Variants in C3orf33 observed in about 807,000 individuals in gnomAD.
C3orf33 encodes the protein AP-1 activity suppressor.
A neutral mutation model predicts 28.7 loss-of-function variants in C3orf33; 23 were observed. That is an observed-to-expected ratio of 0.80 (90% CI 0.58 to 1.13). The LOEUF (loss-of-function observed/expected upper bound fraction) is 1.13, where lower values mean the gene tolerates loss of function less well. Among genes scored for constraint, C3orf33 ranks in the 50% most tolerant of loss-of-function variants. The pLI is 0.00. For missense variants in C3orf33, 327 were observed against 353.4 expected (o/e 0.93, Z 0.60); for synonymous variants, 119 against 120.5 (o/e 0.99, Z 0.08).
At chr3:155,801,799 G>A (rs772994922) in intron 2 of C3orf33, among the ~76,000 whole-genome samples, 10 of 152,164 alleles carry the variant, frequency 6.6e-5, no homozygotes, top group Non-Finnish European at 1.2e-4. Flanking sequence ...TGCCCAGGCT[G>A]GAATGCAGTG....
chr3:155,782,106 C>A (rs939580931), intron 2 of C3orf33, among the ~76,000 whole-genome samples: 1 of 148,568 alleles, frequency 6.7e-6, no homozygotes, highest in Non-Finnish European at 1.5e-5. Context: ...AGCTACTCAG[C>A]AGGCTGAGCC....
intron 2 of C3orf33, among the ~76,000 whole-genome samples, chr3:155,798,625 T>G (rs1208545447): frequency 6.6e-6 from 1 of 152,098 alleles, no homozygotes; most frequent in Non-Finnish European, 1.5e-5. Context: ...AAAATCAAAA[T>G]GCATTAAAGA....
At chr3:155,778,821 A>G (rs1195070632) in intron 2 of C3orf33, among the ~76,000 whole-genome samples, 1 of 152,228 alleles carries the variant, frequency 6.6e-6, no homozygotes, top group Admixed American at 6.5e-5. Context: ...GTGGTACTCT[A>G]GGGGTAATCT....
intron 4 of C3orf33, among the ~76,000 whole-genome samples, chr3:155,764,279 A>G (rs976560718): frequency 5.9e-5 from 9 of 152,214 alleles, no homozygotes; most frequent in Admixed American, 3.3e-4. Flanking sequence ...CAGTAGGACC[A>G]GCAAAAGAAA....
intron 3 of C3orf33, among the ~76,000 whole-genome samples, chr3:155,770,121 T>C (rs1750536082): frequency 6.6e-6 from 1 of 152,100 alleles, no homozygotes; most frequent in Admixed American, 6.6e-5. Flanking sequence ...GGGGGTTGGG[T>C]TGCACAACTC....
At chr3:155,804,983 C>G (rs745569540) in intron 1 of C3orf33, among the ~76,000 whole-genome samples, 7 of 152,124 alleles carry the variant, frequency 4.6e-5, no homozygotes, top group Non-Finnish European at 1.0e-4. Flanking sequence ...ATCATTTATT[C>G]CAACTCCTTC....
At chr3:155,778,471 A>C (rs1750820291) in intron 2 of C3orf33, among the ~76,000 whole-genome samples, 1 of 152,242 alleles carries the variant, frequency 6.6e-6, no homozygotes, top group African/African-American at 2.4e-5. Flanking sequence ...AAAGGAAGAG[A>C]GAATACAACT....
chr3:155,787,186 A>G (rs1373976075), intron 2 of C3orf33, among the ~76,000 whole-genome samples: 3 of 152,122 alleles, frequency 2.0e-5, no homozygotes, highest in Non-Finnish European at 4.4e-5. Flanking sequence ...TAAATCATAG[A>G]AAACCAGATT....
intron 2 of C3orf33, among the ~76,000 whole-genome samples, chr3:155,795,051 G>A (rs771795138): frequency 2.0e-5 from 3 of 152,174 alleles, no homozygotes; most frequent in Admixed American, 6.5e-5. Context: ...CCAAATGGAC[G>A]TAGGATATTC....
intron 2 of C3orf33, among the ~76,000 whole-genome samples, chr3:155,788,019 G>A (rs1357867064): frequency 4.6e-5 from 7 of 151,398 alleles, no homozygotes; most frequent in Admixed American, 6.6e-5. Context: ...GTGAAACCCC[G>A]TCTCTACTAA....
intron 1 of C3orf33, among the ~76,000 whole-genome samples, chr3:155,805,172 A>G (rs1250252222): frequency 9.7e-6 from 1 of 103,382 alleles, no homozygotes; most frequent in Non-Finnish European, 2.1e-5. Context: ...AAAAAAAAAA[A>G]AAAAAAAGGC....
rs138312293 is a variant in C3orf33, at chr3:155,767,798, T to C, written c.323-129A>G. The C allele has an allele frequency of 6.2e-3, 3,307 of 532,644 alleles. 70 individuals carry two copies. The highest frequency in any genetic ancestry group is 0.047 in the East Asian group (1,463 of 31,132). The allele number at this position is 532,644 out of a possible 1,614,324, so 33.0% of individuals were successfully genotyped here. A position where few individuals can be genotyped will look rare whatever the true frequency, so the allele number is the denominator to read the frequency against. The stretch of plus-strand genomic sequence containing the variant: ...TATAAATACCCAGTCTCTCTAACTG[T>C]AGACCCATTTATTTCTATATTCAAG... On this transcript the variant is annotated intron_variant, in intron 3 of 4. Coordinates refer to ENST00000340171, the MANE Select transcript of C3orf33 (RefSeq NM_001308229.2).
At position 155,805,479 on chromosome 3, in the gene C3orf33, G is replaced by A. The variant is rs117483613; in HGVS notation, c.114+660C>T. 2.4e-4 allele frequency: 92 copies of A among 387,218 alleles called. 1 individual carries two copies. In the East Asian group the frequency reaches 6.4e-3, roughly 27 times the overall value. 24.0% of individuals were successfully genotyped at this position (387,218 alleles called of 1,614,324 possible). On this transcript the variant is annotated intron_variant, in intron 1 of 4. Transcript: ENST00000340171. ...TGTCTCAAAAAAAAGAAATCTATTCGGGAGGCTGAGGTGGGAGATCACTTG... is the reference window on the plus strand; with the variant it reads ...TGTCTCAAAAAAAAGAAATCTATTCAGGAGGCTGAGGTGGGAGATCACTTG...
intron 2 of C3orf33, among the ~76,000 whole-genome samples, chr3:155,776,602 T>C (rs1333567085): frequency 6.6e-6 from 1 of 150,980 alleles, no homozygotes; most frequent in Non-Finnish European, 1.5e-5. Flanking sequence ...TGGGCAACAA[T>C]AGCAAGATAC....
intron 3 of C3orf33, among the ~76,000 whole-genome samples, chr3:155,775,464 G>A (rs1218096356): frequency 6.7e-6 from 1 of 150,184 alleles, no homozygotes; most frequent in Non-Finnish European, 1.5e-5. Flanking sequence ...ACTCCAGCCT[G>A]GCAACAAAAG....
At chr3:155,801,092 C>G in intron 2 of C3orf33, among the ~76,000 whole-genome samples, 1 of 152,084 alleles carries the variant, frequency 6.6e-6, no homozygotes, top group East Asian at 1.9e-4. Context: ...GCCGGTGTAT[C>G]ACTTGAGGTC....
chr3:155,788,119 A>G (rs946898569), intron 2 of C3orf33, among the ~76,000 whole-genome samples: 1 of 151,784 alleles, frequency 6.6e-6, no homozygotes, highest in African/African-American at 2.4e-5. Flanking sequence ...TGAACCTGGG[A>G]GGCGGAGCTT....
chr3:155,790,309 CT>C (rs2109272505), intron 2 of C3orf33, among the ~76,000 whole-genome samples: 1 of 147,300 alleles, frequency 6.8e-6, no homozygotes, highest in East Asian at 2.0e-4. Flanking sequence ...AACTCAAGAG[CT>C]AAAACTATAA....
At chr3:155,772,178 C>T (rs1405769634) in intron 3 of C3orf33, among the ~76,000 whole-genome samples, 1 of 152,152 alleles carries the variant, frequency 6.6e-6, no homozygotes, top group Non-Finnish European at 1.5e-5. Context: ...GCACTCCAGC[C>T]TGGGTGACAG....
Sources: allele counts gnomAD v4.1 joint callset (sites outside exome capture counted in the v4.1 genomes callset), GRCh38; gene constraint gnomAD v4.1.1; transcripts MANE v1.5; gene names NCBI Gene and HGNC (gene_info 2026-07-23, HGNC 2026-07-21).